Variants in GRIP2 observed in about 807,000 individuals in gnomAD.
GRIP2 encodes the protein glutamate receptor-interacting protein 2.
A neutral mutation model predicts 108.3 loss-of-function variants in GRIP2; 58 were observed. That is an observed-to-expected ratio of 0.54 (90% CI 0.43 to 0.67). The LOEUF (loss-of-function observed/expected upper bound fraction) is 0.67. GRIP2 is among the 30% of genes least tolerant of loss of function. The pLI, the probability that GRIP2 is intolerant of heterozygous loss-of-function variation, is 0.00. For synonymous variants in GRIP2, 586 were observed against 598.2 expected (o/e 0.98, Z 0.30); for missense variants, 1,278 against 1,430.6 (o/e 0.89, Z 1.72).
chr3:14,556,221 G>C (rs188341420), upstream of GRIP2: 26 of 382,450 alleles, frequency 6.8e-5, no homozygotes, highest in East Asian at 9.7e-4. Flanking sequence ...CAAACCTCCA[G>C]CGGGCCCCAC....
chr3:14,593,108 C>T, the GRIP2 span, among the ~76,000 whole-genome samples: 1 of 152,226 alleles, frequency 6.6e-6, no homozygotes, highest in African/African-American at 2.4e-5. Context: ...CCAACCCAGC[C>T]CAGCCTGGCC....
At chr3:14,536,654 C>T (rs559878398) in intron 1 of GRIP2, among the ~76,000 whole-genome samples, 1 of 152,344 alleles carries the variant, frequency 6.6e-6, no homozygotes, top group East Asian at 1.9e-4. Flanking sequence ...AACATCCCAC[C>T]ATGGGAGAGC....
chr3:14,529,667 C>G (rs11128704), intron 1 of GRIP2, among the ~76,000 whole-genome samples: 87,224 of 152,028 alleles, frequency 0.57, 25,528 homozygotes, highest in East Asian at 0.77. Flanking sequence ...TGCTCCTTAT[C>G]TTTCTAATAA....
At chr3:14,559,923 G>A (rs956237029), upstream of GRIP2, among the ~76,000 whole-genome samples, 2 of 152,180 alleles carry the variant, frequency 1.3e-5, no homozygotes, top group Admixed American at 6.5e-5. Context: ...AGAGGCTGGG[G>A]AGAACTTGAG....
rs776090779 is a variant in GRIP2, at chr3:14,494,938, C to G, written c.2875G>C (p.Asp959His). 3.7e-6 allele frequency: 6 copies of G among 1,613,982 alleles called. No homozygotes were observed. The highest frequency in any genetic ancestry group is 5.1e-6 in the Non-Finnish European group (6 of 1,179,866). ...TAGACACCTTTTTCCAGGAGGCCAT[C>G]TGAGACGCTGAAACCAAAGTCATGC... is the stretch of plus-strand genomic sequence containing the variant. ...MRHDFGFSVS[D>H]GLLEKGVYVH... Residue 959 changes from aspartate (D) to histidine (H), a missense_variant, in exon 23 of 24, where the codon GAT becomes CAT. Physicochemically the swap from Asp to His is moderately conservative, Grantham distance 81. Coordinates refer to ENST00000621039, the MANE Select transcript of GRIP2 (RefSeq NM_001080423.4).
the GRIP2 span, chr3:14,573,177 G>T: frequency 2.1e-6 from 3 of 1,422,242 alleles, no homozygotes; most frequent in Non-Finnish European, 2.0e-6. Flanking sequence ...CTTGAAGAAG[G>T]CATGCCAGGG....
chr3:14,572,765 C>T, the GRIP2 span: 1 of 577,136 alleles, frequency 1.7e-6, no homozygotes, highest in Non-Finnish European at 3.1e-6. Context: ...GAGCAGGTGA[C>T]TCCTGGTAAG....
Position 14,505,538 on chromosome 3 carries a change from T to C in GRIP2, c.2573+77A>G, listed in dbSNP as rs1025700304. 6.7e-7 allele frequency: 1 copy of C among 1,493,526 alleles called. No individual in the cohort carries two copies. The highest frequency in any genetic ancestry group is 1.4e-5 in the African/African-American group (1 of 71,982). The allele number at this position is 1,493,526 out of a possible 1,614,324, so 92.5% of individuals were successfully genotyped here. A position where few individuals can be genotyped will look rare whatever the true frequency, so the allele number is the denominator to read the frequency against. ...CCAAGACTCTCCATTCCCCCACCAC[T>C]TTGGCACAGGCACCCTCGCCCACCC... On this transcript the variant is annotated intron_variant, in intron 20 of 23. Transcript: ENST00000621039. The surrounding 1 kb of genome is among the most constrained non-coding windows in gnomAD (Gnocchi z 4.2).
At chr3:14,563,090 G>A in the GRIP2 span, among the ~76,000 whole-genome samples, 1 of 152,200 alleles carries the variant, frequency 6.6e-6, no homozygotes, top group Admixed American at 6.5e-5. Context: ...TGTGGCAAGG[G>A]ACCTTACTTG....
At chr3:14,580,106 G>A in the GRIP2 span, among the ~76,000 whole-genome samples, 1 of 152,212 alleles carries the variant, frequency 6.6e-6, no homozygotes, top group East Asian at 1.9e-4. Context: ...AGGACTTCAT[G>A]TTGGTCCCTG....
chr3:14,503,356 CCA>C lies in GRIP2; in HGVS notation c.2679+208_2679+209del, dbSNP rs536575956. Among the ~76,000 whole-genome samples the C allele has an allele frequency of 1.9e-3, 296 of 152,330 alleles. 1 individual carries two copies. Among genetic ancestry groups the C allele is most frequent in the Admixed American group, 5.4e-3 (83 of 15,304 alleles). On this transcript the variant is annotated intron_variant, in intron 21 of 23. Coordinates refer to ENST00000621039, the MANE Select transcript of GRIP2 (RefSeq NM_001080423.4). ...ATGTCCACACAGATAATGTGTAGTA[CCA>C]CAGTGCTCTCAATCACACTTGCACA... is the stretch of plus-strand genomic sequence containing the variant.
chr3:14,499,226 T>G (rs966276425), intron 21 of GRIP2, among the ~76,000 whole-genome samples: 3 of 152,044 alleles, frequency 2.0e-5, no homozygotes, highest in Non-Finnish European at 2.9e-5. Context: ...GCTGGTGAAG[T>G]TCAAAGGCCA....
At chr3:14,546,827 G>A (rs536881143), upstream of GRIP2, among the ~76,000 whole-genome samples, 2 of 152,338 alleles carry the variant, frequency 1.3e-5, no homozygotes, top group Admixed American at 1.3e-4. Flanking sequence ...AAGATGTGGG[G>A]AGATGGAGAT....
chr3:14,555,179 T>C (rs2124985250), intron 1 of GRIP2, among the ~76,000 whole-genome samples: 1 of 151,834 alleles, frequency 6.6e-6, no homozygotes, highest in East Asian at 1.9e-4. Flanking sequence ...AGGCTGGGGC[T>C]CAGCACAGAG....
chr3:14,571,784 G>A, the GRIP2 span, among the ~76,000 whole-genome samples: 8 of 152,182 alleles, frequency 5.3e-5, no homozygotes, highest in Non-Finnish European at 1.2e-4. Context: ...CAGGGTCCCA[G>A]GATCTGTATT....
chr3:14,498,248 G>A (rs1251440719), intron 21 of GRIP2, among the ~76,000 whole-genome samples: 3 of 152,142 alleles, frequency 2.0e-5, no homozygotes, highest in African/African-American at 7.2e-5. Flanking sequence ...GATTGTTTGA[G>A]TCTAGGAGTT....
chr3:14,511,761 T>C lies in GRIP2; in HGVS notation c.1721-282A>G, dbSNP rs978900022. Among the ~76,000 whole-genome samples the C allele has an allele frequency of 6.6e-6, 1 of 152,224 alleles. No homozygotes were observed. Among genetic ancestry groups the C allele is most frequent in the Non-Finnish European group, 1.5e-5 (1 of 68,038 alleles). On this transcript the variant is annotated intron_variant, in intron 14 of 23. Coordinates refer to ENST00000621039, the MANE Select transcript of GRIP2 (RefSeq NM_001080423.4). The surrounding 1 kb of genome is among the most constrained non-coding windows in gnomAD (Gnocchi z 4.1). ...AGCATGGCCCTTCCAATGCCAGCTC[T>C]TCTTTCCTCCTGCTCAGCCCATCCC...
the GRIP2 span, among the ~76,000 whole-genome samples, chr3:14,596,643 G>T: frequency 6.6e-6 from 1 of 152,152 alleles, no homozygotes; most frequent in South Asian, 2.1e-4. Flanking sequence ...GGTGATATAT[G>T]AGCACTTAAC....
At chr3:14,517,750 T>C (rs9870394) in intron 10 of GRIP2, 22 bp downstream of exon 10, 99,524 of 1,608,470 alleles carry the variant, frequency 0.062, 5,869 homozygotes, top group African/African-American at 0.28. Context: ...CTGGCTGAGC[T>C]ACAGCAGGGC....
Sources: gnomAD v4.1 joint callset for allele counts (sites outside exome capture counted in the v4.1 genomes callset) on GRCh38, gnomAD v4.1.1 for gene constraint, Gnocchi (gnomAD v3.1) non-coding constraint, MANE v1.5 for transcripts, NCBI Gene and HGNC (gene_info 2026-07-23, HGNC 2026-07-21) for gene names.